Variants in EVI5 observed in about 807,000 individuals in gnomAD.
EVI5 encodes the protein ecotropic viral integration site 5 protein homolog.
EVI5 carries 73 observed loss-of-function variants against 112.0 expected under a neutral mutation model. That is an observed-to-expected ratio of 0.65 (90% CI 0.54 to 0.79). The LOEUF (loss-of-function observed/expected upper bound fraction) is 0.79. Among genes scored for constraint, EVI5 ranks in the 30% least tolerant of loss-of-function variants. EVI5 has a pLI of 0.00. For synonymous variants in EVI5, 305 were observed against 319.9 expected (o/e 0.95, Z 0.50); for missense variants, 900 against 968.8 (o/e 0.93, Z 0.94).
intron 2 of EVI5, among the ~76,000 whole-genome samples, chr1:92,725,975 G>A (rs971076733): frequency 3.3e-5 from 5 of 152,048 alleles, no homozygotes; most frequent in South Asian, 2.1e-4. Flanking sequence ...ACACTAGATG[G>A]GATTAATAGC....
At chr1:92,722,304 T>C (rs1316323011) in intron 2 of EVI5, among the ~76,000 whole-genome samples, 1 of 152,086 alleles carries the variant, frequency 6.6e-6, no homozygotes, top group African/African-American at 2.4e-5. Context: ...TTGATCAATA[T>C]CTTTTTTTTA....
intron 1 of EVI5, among the ~76,000 whole-genome samples, chr1:92,765,215 C>A (rs1421423184): frequency 8.6e-6 from 1 of 116,436 alleles, no homozygotes; most frequent in African/African-American, 3.3e-5. Flanking sequence ...TTTTTCCTTC[C>A]TTTTTTTTTT....
rs566217068 is a variant in EVI5, at chr1:92,770,610, G to A, written c.-82+14226C>T. Among the ~76,000 whole-genome samples the A allele has an allele frequency of 7.9e-5, 12 of 151,978 alleles. No homozygotes were observed. In the East Asian group the frequency reaches 2.4e-3, roughly 30 times the overall value. ...TCAAGACCATCCTGGCTAACACAGT[G>A]AAACCCTGATTCTACTAAAAATACC... On this transcript the variant is annotated intron_variant, in intron 1 of 19. Transcript: ENST00000684568.
intron 16 of EVI5, among the ~76,000 whole-genome samples, chr1:92,608,537 CTACTAAAAATACAAAAAT>C (rs1299170157): frequency 6.6e-6 from 1 of 151,986 alleles, no homozygotes; most frequent in Non-Finnish European, 1.5e-5. Flanking sequence ...AACCCCGTAT[CTACTAAAAATACAAAAAT>C]TAGTCAGGCA....
At chr1:92,589,861 C>A (rs1673491719) in intron 18 of EVI5, among the ~76,000 whole-genome samples, 4 of 152,026 alleles carry the variant, frequency 2.6e-5, no homozygotes, top group East Asian at 1.9e-4. Flanking sequence ...TGAGAGGCAC[C>A]CCCCCGTATG....
At chr1:92,701,637 T>C (rs1671164399) in intron 5 of EVI5, among the ~76,000 whole-genome samples, 1 of 152,044 alleles carries the variant, frequency 6.6e-6, no homozygotes, top group Non-Finnish European at 1.5e-5. Flanking sequence ...CCAAACCCAC[T>C]GCACACTCAA....
chr1:92,615,608 A>C (rs1368334835), intron 16 of EVI5, among the ~76,000 whole-genome samples: 1 of 152,132 alleles, frequency 6.6e-6, no homozygotes, highest in African/African-American at 2.4e-5. Context: ...TAGTGGAAAC[A>C]ACCCCTCCCC....
At chr1:92,582,194 T>C in intron 18 of EVI5, among the ~76,000 whole-genome samples, 1 of 152,216 alleles carries the variant, frequency 6.6e-6, no homozygotes, top group East Asian at 1.9e-4. Flanking sequence ...TGGTTAAGTA[T>C]TTGTGTGTCT....
intron 10 of EVI5, among the ~76,000 whole-genome samples, chr1:92,675,824 C>T (rs759244346): frequency 4.0e-5 from 6 of 151,578 alleles, no homozygotes; most frequent in African/African-American, 7.3e-5. Context: ...GGCTTGGTGG[C>T]GGGCGCCTGT....
At chr1:92,625,600 A>T (rs1202680462) in intron 15 of EVI5, 194 bp downstream of exon 15, 1 of 475,722 alleles carries the variant, frequency 2.1e-6, no homozygotes, top group Non-Finnish European at 3.8e-6. Flanking sequence ...CTTTTATTTT[A>T]TTATAAGAAT....
At chr1:92,776,089 C>G (rs1684095848) in intron 1 of EVI5, among the ~76,000 whole-genome samples, 1 of 132,734 alleles carries the variant, frequency 7.5e-6, no homozygotes, top group African/African-American at 2.9e-5. Context: ...GCCTGGGCGA[C>G]AGAGCAAGAC....
chr1:92,652,774 G>A (rs1248696441), intron 13 of EVI5, among the ~76,000 whole-genome samples: 1 of 152,172 alleles, frequency 6.6e-6, no homozygotes, highest in East Asian at 1.9e-4. Flanking sequence ...AAGAACCAAG[G>A]TTACAAGTGA....
intron 1 of EVI5, among the ~76,000 whole-genome samples, chr1:92,775,600 G>A (rs1489523850): frequency 1.1e-4 from 16 of 152,250 alleles, no homozygotes; most frequent in South Asian, 2.1e-4. Context: ...ATATAGCCTA[G>A]GTGTGTATAG....
At chr1:92,735,768 G>T (rs1677307382) in intron 2 of EVI5, among the ~76,000 whole-genome samples, 1 of 139,180 alleles carries the variant, frequency 7.2e-6, no homozygotes, top group African/African-American at 2.6e-5. Flanking sequence ...TATGATATAT[G>T]TTATATATAA....
At chr1:92,622,020 CT>C (rs1450996660) in intron 16 of EVI5, among the ~76,000 whole-genome samples, 2 of 151,776 alleles carry the variant, frequency 1.3e-5, no homozygotes, top group Admixed American at 1.3e-4. Flanking sequence ...ACTTGGGAGG[CT>C]GAGGAGGAGA....
intron 2 of EVI5, among the ~76,000 whole-genome samples, chr1:92,723,636 T>C (rs1192732541): frequency 6.6e-6 from 1 of 152,158 alleles, no homozygotes; most frequent in East Asian, 1.9e-4. Context: ...AAATTGATTG[T>C]AAAATATGTG....
chr1:92,561,265 T>C (rs1436378885), intron 19 of EVI5, among the ~76,000 whole-genome samples: 2 of 152,164 alleles, frequency 1.3e-5, no homozygotes, highest in Non-Finnish European at 2.9e-5. Flanking sequence ...TATTATTTTG[T>C]AGCAGTTGCA....
chr1:92,673,373 C>T (rs140947786), intron 10 of EVI5, among the ~76,000 whole-genome samples: 2 of 151,764 alleles, frequency 1.3e-5, no homozygotes, highest in African/African-American at 2.4e-5. Context: ...CTCTGCGTCC[C>T]GAAGCACAAA....
intron 18 of EVI5, among the ~76,000 whole-genome samples, chr1:92,585,241 G>A (rs982771681): frequency 6.9e-6 from 1 of 144,180 alleles, no homozygotes; most frequent in Non-Finnish European, 1.5e-5. Context: ...AAAAAAATCA[G>A]CCCAGTGCTT....
Sources: allele counts gnomAD v4.1 joint callset (sites outside exome capture counted in the v4.1 genomes callset), GRCh38; gene constraint gnomAD v4.1.1; transcripts MANE v1.5; gene names NCBI Gene and HGNC (gene_info 2026-07-23, HGNC 2026-07-21).